The following NEBL variants were observed in gnomAD, a reference collection of about 807,000 sequenced individuals.
The protein encoded by NEBL is LIM and SH3 protein 2.
NEBL carries 122 observed loss-of-function variants against 140.2 expected under a neutral mutation model. The observed-to-expected ratio is 0.87, with a 90% CI of 0.75 to 1.01. NEBL has a LOEUF of 1.01. Among genes scored for constraint, NEBL ranks in the 50% least tolerant of loss-of-function variants. The probability of loss-of-function intolerance (pLI) is 0.00; values close to 1 mark genes in which losing one functional copy is unlikely to be tolerated. For synonymous variants in NEBL, 436 were observed against 398.9 expected, an observed-to-expected ratio of 1.09 and a Z score of -1.11; for missense variants, 1,365 against 1,231.3, an observed-to-expected ratio of 1.11 and a Z score of -1.62.
At chr10:21,042,282 T>A (rs1834307638) in intron 2 of NEBL, among the ~76,000 whole-genome samples, 1 of 152,176 alleles carries the variant, frequency 6.6e-6, no homozygotes, top group Admixed American at 6.5e-5. Flanking sequence ...TCTTGGAGAG[T>A]ACACAGCTAG....
chr10:20,803,945 C>T (rs1295023160), intron 26 of NEBL, among the ~76,000 whole-genome samples: 1 of 150,748 alleles, frequency 6.6e-6, no homozygotes, highest in Admixed American at 6.6e-5. Flanking sequence ...TTCTTGAAAG[C>T]CTTCCCCAAG....
chr10:20,925,860 A>T (rs549638129), intron 4 of NEBL, among the ~76,000 whole-genome samples: 3 of 152,274 alleles, frequency 2.0e-5, no homozygotes, highest in Non-Finnish European at 4.4e-5. Flanking sequence ...TGTTTCCTCT[A>T]GCTGAAAGTC....
intron 3 of NEBL, among the ~76,000 whole-genome samples, chr10:20,994,117 C>T (rs930823523): frequency 1.3e-5 from 2 of 152,202 alleles, no homozygotes; most frequent in Non-Finnish European, 2.9e-5. Flanking sequence ...CTTCCCATCC[C>T]GTAATTTAAA....
intron 4 of NEBL, among the ~76,000 whole-genome samples, chr10:20,939,426 T>G (rs1211883294): frequency 6.6e-6 from 1 of 152,088 alleles, no homozygotes; most frequent in Non-Finnish European, 1.5e-5. Flanking sequence ...AAAGAGCTCC[T>G]GAAGGAAGCA....
At chr10:20,976,421 A>C (rs768756392) in intron 3 of NEBL, among the ~76,000 whole-genome samples, 1 of 152,098 alleles carries the variant, frequency 6.6e-6, no homozygotes, top group Non-Finnish European at 1.5e-5. Flanking sequence ...CATACTAGGT[A>C]CATACCCAAA....
chr10:20,891,769 T>C (rs1344707225), intron 2 of NEBL, among the ~76,000 whole-genome samples: 1 of 152,140 alleles, frequency 6.6e-6, no homozygotes, highest in African/African-American at 2.4e-5. Context: ...TCCTTTACAA[T>C]TGTACAATTC....
intron 1 of NEBL, among the ~76,000 whole-genome samples, chr10:21,260,763 C>T (rs1842728087): frequency 6.6e-6 from 1 of 152,184 alleles, no homozygotes; most frequent in South Asian, 2.1e-4. Context: ...AATGTTGCCC[C>T]TCATTATGCC....
At chr10:21,134,130 G>A (rs1259257373) in intron 2 of NEBL, among the ~76,000 whole-genome samples, 1 of 152,024 alleles carries the variant, frequency 6.6e-6, no homozygotes, top group Non-Finnish European at 1.5e-5. Flanking sequence ...GGAGGCTGAG[G>A]CAGGAGAATC....
chr10:21,204,974 C>T (rs1027253344), intron 3 of NEBL, among the ~76,000 whole-genome samples: 2 of 152,196 alleles, frequency 1.3e-5, no homozygotes, highest in Non-Finnish European at 2.9e-5. Context: ...CAGGGTCCTG[C>T]CCTCCAAGGA....
chr10:21,006,192 C>T (rs992644627), intron 3 of NEBL, among the ~76,000 whole-genome samples: 1 of 152,148 alleles, frequency 6.6e-6, no homozygotes, highest in African/African-American at 2.4e-5. Flanking sequence ...TTGCAGATGA[C>T]CTTTCGCTCT....
At chr10:20,871,271 C>G (rs545720919) in intron 5 of NEBL, among the ~76,000 whole-genome samples, 115 of 152,222 alleles carry the variant, frequency 7.6e-4, no homozygotes, top group African/African-American at 2.7e-3. Flanking sequence ...ATTTAGATTC[C>G]TGAGGTCCAG....
At chr10:20,945,334 T>C (rs1209227233) in intron 4 of NEBL, among the ~76,000 whole-genome samples, 3 of 152,156 alleles carry the variant, frequency 2.0e-5, no homozygotes, top group Non-Finnish European at 4.4e-5. Flanking sequence ...CTTAACACAC[T>C]TACCAGGCTA....
At chr10:21,189,074 T>C (rs1841527995) in intron 3 of NEBL, among the ~76,000 whole-genome samples, 1 of 152,102 alleles carries the variant, frequency 6.6e-6, no homozygotes, top group African/African-American at 2.4e-5. Flanking sequence ...CCCCAAAAAG[T>C]ATGTCAATGT....
chr10:21,053,309 T>C (rs1377846292), intron 2 of NEBL, among the ~76,000 whole-genome samples: 1 of 152,190 alleles, frequency 6.6e-6, no homozygotes, highest in Non-Finnish European at 1.5e-5. Flanking sequence ...AGCAGACTTC[T>C]TGGCTATAAT....
At chr10:21,152,205 A>G (rs1373816658) in intron 2 of NEBL, among the ~76,000 whole-genome samples, 3 of 152,208 alleles carry the variant, frequency 2.0e-5, no homozygotes, top group Admixed American at 6.5e-5. Context: ...AGCCCAATCC[A>G]TGATGGATTC....
chr10:20,986,556 C>T (rs915708955), intron 3 of NEBL, among the ~76,000 whole-genome samples: 20 of 152,268 alleles, frequency 1.3e-4, no homozygotes, highest in Non-Finnish European at 2.2e-4. Context: ...AAGATTTCAA[C>T]AAATGATACC....
intron 1 of NEBL, among the ~76,000 whole-genome samples, chr10:21,267,578 A>G (rs906504380): frequency 2.0e-5 from 3 of 152,136 alleles, no homozygotes; most frequent in Non-Finnish European, 2.9e-5. Context: ...CTCACGCAAG[A>G]CTTCTCCTTG....
At chr10:21,001,779 GGATT>G (rs1331360040) in intron 3 of NEBL, among the ~76,000 whole-genome samples, 2 of 152,082 alleles carry the variant, frequency 1.3e-5, no homozygotes, top group East Asian at 3.9e-4. Context: ...AGACATGAAT[GGATT>G]AATTGCCATT....
chr10:20,836,126 G>A (rs1271611262), intron 13 of NEBL, among the ~76,000 whole-genome samples: 1 of 151,764 alleles, frequency 6.6e-6, no homozygotes, highest in Non-Finnish European at 1.5e-5. Flanking sequence ...TGTCAAGCAA[G>A]CCTATCGGTG....
Sources: allele counts gnomAD v4.1 joint callset (sites outside exome capture counted in the v4.1 genomes callset), GRCh38; gene constraint gnomAD v4.1.1; transcripts MANE v1.5; gene names NCBI Gene and HGNC (gene_info 2026-07-23, HGNC 2026-07-21).